RBL1: variants seen among roughly 807,000 people sequenced by gnomAD.
RBL1 encodes retinoblastoma-like protein 1.
RBL1 carries 82 observed loss-of-function variants against 123.0 expected under a neutral mutation model. The observed-to-expected ratio is 0.67, with a 90% CI of 0.56 to 0.80. RBL1 has a LOEUF of 0.80. Ranked by LOEUF, RBL1 falls within the 30% of genes least tolerant of loss-of-function variation. The pLI is 0.00. For missense variants in RBL1, 1,171 were observed against 1,299.6 expected (o/e 0.90, Z 1.52); for synonymous variants, 405 against 441.3 (o/e 0.92, Z 1.03).
chr20:37,050,793 A>G (rs1293542890), intron 11 of RBL1, among the ~76,000 whole-genome samples: 1 of 152,012 alleles, frequency 6.6e-6, no homozygotes, highest in Admixed American at 6.6e-5. Flanking sequence ...ATGAAAAAAA[A>G]CACAGTAAGA....
intron 9 of RBL1, among the ~76,000 whole-genome samples, chr20:37,058,680 C>T (rs1241012166): frequency 6.6e-6 from 1 of 151,964 alleles, no homozygotes; most frequent in Non-Finnish European, 1.5e-5. Flanking sequence ...CCTGGGATTA[C>T]AGATATGTGC....
intron 7 of RBL1, among the ~76,000 whole-genome samples, chr20:37,064,925 CTCTT>C (rs935692627): frequency 6.6e-6 from 1 of 151,512 alleles, no homozygotes. Flanking sequence ...CATGCCCGGC[CTCTT>C]TCTTTTTTTT....
At chr20:37,056,114 A>G (rs2065000432) in intron 10 of RBL1, 32 bp downstream of exon 10, 33 of 1,586,102 alleles carry the variant, frequency 2.1e-5, no homozygotes, top group Non-Finnish European at 2.6e-5. Flanking sequence ...CTTATTTTCA[A>G]TGCTATGCCA....
At chr20:37,062,827 C>T (rs987938158) in intron 7 of RBL1, among the ~76,000 whole-genome samples, 22 of 151,426 alleles carry the variant, frequency 1.5e-4, no homozygotes, top group Non-Finnish European at 1.5e-5. Flanking sequence ...TGGTGGCGGG[C>T]GCCTGTAGTC....
chr20:37,064,420 G>A (rs1033755730), intron 7 of RBL1, among the ~76,000 whole-genome samples: 1 of 152,030 alleles, frequency 6.6e-6, no homozygotes, highest in East Asian at 1.9e-4. Context: ...ATAGGCATAA[G>A]CCATTGCACG....
chr20:37,065,547 T>TAA, intron 6 of RBL1, 74 bp from the exon 7 acceptor site: 1 of 943,980 alleles, frequency 1.1e-6, no homozygotes, highest in Non-Finnish European at 1.6e-6. Context: ...GAAATTTATC[T>TAA]AAATTTCCAT....
At position 37,032,838 on chromosome 20, in the gene RBL1, G is replaced by C. The variant is rs1418259996; in HGVS notation, c.2209C>G (p.Leu737Val). ...GACTCCTGATTTGTATTCATGGAAA[G>C]AGGTATCAGTGTGATCTCTCCAGCA... The part of the protein sequence containing the change: ...NDAGEITLIP[L>V]SMNTNQESKV... The change falls in exon 16 of 22, where the codon CTT becomes GTT. Residue 737 changes from leucine (L) to valine (V), a missense_variant. Physicochemically the swap from Leu to Val is conservative, Grantham distance 32. Transcript: ENST00000373664. The C allele has an allele frequency of 1.9e-6, 3 of 1,613,912 alleles. No homozygotes were observed. Among genetic ancestry groups the C allele is most frequent in the South Asian group, 1.1e-5 (1 of 91,086 alleles).
chr20:37,049,311 T>C, intron 11 of RBL1: 1 of 645,168 alleles, frequency 1.5e-6, no homozygotes. Flanking sequence ...GGTTGAACCC[T>C]CGGATACGAC....
At chr20:37,040,113 C>T in intron 14 of RBL1, 40 bp downstream of exon 14, 1 of 1,604,044 alleles carries the variant, frequency 6.2e-7, no homozygotes, top group Non-Finnish European at 8.5e-7. Flanking sequence ...GCCAAATGCC[C>T]TTTGTTACTT....
At chr20:37,042,000 G>C (rs1568850068) in intron 13 of RBL1, among the ~76,000 whole-genome samples, 4 of 149,898 alleles carry the variant, frequency 2.7e-5, no homozygotes. Context: ...GTGAACCCGG[G>C]AGGTGGAGCT....
At chr20:37,069,891 G>A (rs901787902) in intron 2 of RBL1, among the ~76,000 whole-genome samples, 9 of 149,712 alleles carry the variant, frequency 6.0e-5, no homozygotes, top group African/African-American at 2.3e-4. Flanking sequence ...TCCAGGAGGT[G>A]AGGGGCGCCT....
chr20:37,061,967 A>G, intron 8 of RBL1, 117 bp downstream of exon 8: 1 of 1,188,372 alleles, frequency 8.4e-7, no homozygotes, highest in South Asian at 1.8e-5. Context: ...TTCATGAGAA[A>G]TATGAATTAG....
At chr20:37,093,307 G>A (rs2065676624) in intron 1 of RBL1, among the ~76,000 whole-genome samples, 1 of 149,244 alleles carries the variant, frequency 6.7e-6, no homozygotes, top group Non-Finnish European at 1.5e-5. Flanking sequence ...ACACTGGATA[G>A]AATAAACACA....
chr20:37,050,890 G>A (rs905602026), intron 11 of RBL1, among the ~76,000 whole-genome samples: 8 of 151,940 alleles, frequency 5.3e-5, no homozygotes, highest in African/African-American at 1.7e-4. Flanking sequence ...TACTAAGTGG[G>A]AATGAGAATG....
At position 37,007,499 on chromosome 20, in the gene RBL1, C is replaced by T. The variant is rs1414700238; in HGVS notation, c.2783G>A (p.Gly928Asp). The T allele has an allele frequency of 6.2e-7, 1 of 1,613,788 alleles. No homozygotes were observed. Among genetic ancestry groups the T allele is most frequent in the Admixed American group, 1.7e-5 (1 of 60,002 alleles). ...CSSGPVKEER[G>D]DLIKFYNTIY... ...TGTATTGTAAAATTTTATAAGATCACCTCTTTCCTCTTTCACTGGTCCACT... is the reference window on the plus strand; with the variant it reads ...TGTATTGTAAAATTTTATAAGATCATCTCTTTCCTCTTTCACTGGTCCACT... Residue 928 changes from glycine (G) to aspartate (D), a missense_variant, in exon 20 of 22, where the codon GGT becomes GAT. Gly to Asp is a moderately conservative substitution (Grantham distance 94). Transcript: ENST00000373664.
In RBL1 at chr20:37,060,808, A is replaced by C. The variant is rs1181411072; in HGVS notation, c.1250+295T>G. Among the ~76,000 whole-genome samples the C allele has an allele frequency of 2.0e-5, 3 of 151,714 alleles. No homozygotes were observed. In the East Asian group the frequency reaches 5.8e-4, roughly 29 times the overall value. Reference sequence around the variant, plus strand: ...AAAAAAAAAACAAAAAAAAAGGGAGAGATAAGGTCTCCCTATCTTGGCCAA... The same window carrying C: ...AAAAAAAAAACAAAAAAAAAGGGAGCGATAAGGTCTCCCTATCTTGGCCAA... On this transcript the variant is annotated intron_variant, in intron 9 of 21. Transcript: ENST00000373664.
chr20:36,997,265 A>G lies in RBL1; in HGVS notation c.*1494T>C, dbSNP rs562181050. The G allele has an allele frequency of 6.6e-6, 1 of 151,954 alleles. No homozygotes were observed. Among genetic ancestry groups the G allele is most frequent in the African/African-American group, 2.4e-5 (1 of 41,320 alleles). 9.4% of individuals were successfully genotyped at this position (151,954 alleles called of 1,614,324 possible). On this transcript the variant is annotated 3_prime_UTR_variant, in exon 22 of 22. Transcript: ENST00000373664. ...TCCCTAGTACTGAAAAGCATCCCTA[A>G]CACTGAAAAAAGCATCCCTAGTACT...
intron 12 of RBL1, among the ~76,000 whole-genome samples, chr20:37,045,656 A>T (rs1469666482): frequency 2.6e-5 from 4 of 152,172 alleles, no homozygotes; most frequent in Admixed American, 6.5e-5. Flanking sequence ...AATTACTATG[A>T]GGTTGTTGAC....
At chr20:37,092,862 T>C (rs1419468973) in intron 1 of RBL1, among the ~76,000 whole-genome samples, 2 of 152,172 alleles carry the variant, frequency 1.3e-5, no homozygotes, top group African/African-American at 4.8e-5. Context: ...TTCTATTTGA[T>C]AAAATCCTAT....
Sources: gnomAD v4.1 joint callset for allele counts (sites outside exome capture counted in the v4.1 genomes callset) on GRCh38, gnomAD v4.1.1 for gene constraint, MANE v1.5 for transcripts, NCBI Gene and HGNC (gene_info 2026-07-23, HGNC 2026-07-21) for gene names.